RBFOX1: variants seen among roughly 807,000 people sequenced by gnomAD.
RBFOX1 encodes RNA binding fox-1 homolog 1.
Under a neutral mutation model 57.7 loss-of-function variants are expected in RBFOX1, and 8 were observed. The observed-to-expected ratio is 0.14, with a 90% CI of 0.08 to 0.25. The LOEUF (loss-of-function observed/expected upper bound fraction) is 0.25. Among genes scored for constraint, RBFOX1 ranks in the 10% least tolerant of loss-of-function variants. RBFOX1 has a pLI of 1.00. For missense variants in RBFOX1, 611 were observed against 548.5 expected (o/e 1.11, Z -1.14); for synonymous variants, 326 against 222.4 (o/e 1.47, Z -4.15).
chr16:7,202,633 C>G (rs1425234342), intron 4 of RBFOX1, among the ~76,000 whole-genome samples: 2 of 152,202 alleles, frequency 1.3e-5, no homozygotes, highest in Admixed American at 6.5e-5. Flanking sequence ...GCATCAGCAC[C>G]TGAGCTCGAC....
At chr16:7,195,851 C>G (rs987409641) in intron 4 of RBFOX1, among the ~76,000 whole-genome samples, 2 of 152,226 alleles carry the variant, frequency 1.3e-5, no homozygotes, top group Admixed American at 1.3e-4. Context: ...CTGTGCCCAG[C>G]TCGATGCTCA....
intron 3 of RBFOX1, among the ~76,000 whole-genome samples, chr16:6,995,070 T>C (rs994098172): frequency 4.6e-5 from 7 of 152,020 alleles, no homozygotes; most frequent in African/African-American, 1.7e-4. Flanking sequence ...TAAAACTCTC[T>C]GGGGTTAAGT....
intron 2 of RBFOX1, among the ~76,000 whole-genome samples, chr16:5,504,046 C>T (rs1567170681): frequency 1.3e-5 from 2 of 152,162 alleles, no homozygotes; most frequent in Admixed American, 6.5e-5. Context: ...GGGGCCCCTC[C>T]AGCCCCTTCC....
intron 3 of RBFOX1, among the ~76,000 whole-genome samples, chr16:6,829,665 G>C (rs555840321): frequency 6.6e-6 from 1 of 152,016 alleles, no homozygotes; most frequent in Non-Finnish European, 1.5e-5. Flanking sequence ...GCAGGGGCGT[G>C]ATCTTGGCTC....
intron 4 of RBFOX1, among the ~76,000 whole-genome samples, chr16:7,404,520 G>A (rs184287859): frequency 1.3e-5 from 2 of 152,252 alleles, no homozygotes; most frequent in Admixed American, 6.5e-5. Context: ...GACCTCCATA[G>A]ATAGGTGCTA....
chr16:6,197,377 C>T (rs776191720), intron 1 of RBFOX1, among the ~76,000 whole-genome samples: 1 of 152,102 alleles, frequency 6.6e-6, no homozygotes, highest in Non-Finnish European at 1.5e-5. Context: ...AATACCCCTC[C>T]ACCCCATCCG....
chr16:7,484,218 A>T (rs907689353), intron 4 of RBFOX1, among the ~76,000 whole-genome samples: 4 of 152,212 alleles, frequency 2.6e-5, no homozygotes, highest in Middle Eastern at 6.8e-3. Context: ...ATATACCAAG[A>T]TGTGTTTATC....
chr16:5,670,540 T>A (rs2049985837), intron 3 of RBFOX1, among the ~76,000 whole-genome samples: 1 of 152,230 alleles, frequency 6.6e-6, no homozygotes. Flanking sequence ...TGATTTTCAT[T>A]TCCAAGTTTC....
intron 5 of RBFOX1, among the ~76,000 whole-genome samples, chr16:7,561,087 A>G (rs1348190611): frequency 7.9e-5 from 12 of 152,156 alleles, no homozygotes; most frequent in Admixed American, 7.9e-4. Flanking sequence ...TGTTCTTTAT[A>G]CAAGCAGATC....
intron 3 of RBFOX1, among the ~76,000 whole-genome samples, chr16:6,899,019 CTGTG>C (rs1177220549): frequency 4.7e-5 from 7 of 150,252 alleles, no homozygotes; most frequent in Non-Finnish European, 8.9e-5. Flanking sequence ...ATGCGCGTCT[CTGTG>C]TGTGTGTATA....
intron 2 of RBFOX1, among the ~76,000 whole-genome samples, chr16:6,530,620 G>T (rs2096644304): frequency 6.6e-6 from 1 of 152,154 alleles, no homozygotes; most frequent in African/African-American, 2.4e-5. Context: ...GAGATTGAAT[G>T]GATTCACAAT....
rs117008131 is a variant in RBFOX1, at chr16:6,011,970, T to G, written c.351+144635T>G. Among the ~76,000 whole-genome samples, 147 of 152,352 alleles carry G rather than the reference T, an allele frequency of 9.6e-4. 3 individuals are homozygous for G. In the East Asian group the frequency reaches 0.025, roughly 26 times the overall value. ...TAAGGTGGCATCGCCCACACCATCTTGCATTTCTTCACGATGACCCTGTTG... is the reference window on the plus strand; with the variant it reads ...TAAGGTGGCATCGCCCACACCATCTGGCATTTCTTCACGATGACCCTGTTG... On this transcript the variant is annotated intron_variant, in intron 4 of 19. Coordinates refer to the RBFOX1 transcript ENST00000641259.
chr16:7,455,922 C>G (rs1270220131), intron 4 of RBFOX1, among the ~76,000 whole-genome samples: 1 of 152,098 alleles, frequency 6.6e-6, no homozygotes, highest in East Asian at 1.9e-4. Flanking sequence ...TTACAGCACC[C>G]CTATTAGGTA....
intron 3 of RBFOX1, among the ~76,000 whole-genome samples, chr16:5,719,985 C>A (rs1323186972): frequency 1.3e-5 from 2 of 151,942 alleles, no homozygotes; most frequent in Non-Finnish European, 2.9e-5. Context: ...TGAGGAACCA[C>A]CAATCTGTTT....
chr16:5,433,437 G>C (rs938036443), intron 1 of RBFOX1, among the ~76,000 whole-genome samples: 1 of 152,148 alleles, frequency 6.6e-6, no homozygotes, highest in African/African-American at 2.4e-5. Context: ...AAGACTGTTT[G>C]AGTGGCAAGA....
At chr16:6,963,885 A>C (rs1300547703) in intron 3 of RBFOX1, among the ~76,000 whole-genome samples, 1 of 151,932 alleles carries the variant, frequency 6.6e-6, no homozygotes, top group Non-Finnish European at 1.5e-5. Flanking sequence ...TTTTTAGTAG[A>C]GATGGGATTT....
chr16:6,231,962 T>G (rs1054830871), intron 1 of RBFOX1, among the ~76,000 whole-genome samples: 3 of 149,638 alleles, frequency 2.0e-5, no homozygotes, highest in Non-Finnish European at 4.4e-5. Flanking sequence ...ATAAAGCAAA[T>G]TATGCACGGG....
intron 3 of RBFOX1, among the ~76,000 whole-genome samples, chr16:6,942,728 G>A (rs527242705): frequency 3.6e-4 from 55 of 152,260 alleles, no homozygotes; most frequent in Non-Finnish European, 6.9e-4. Flanking sequence ...TGACCATTTA[G>A]AGACTCTCTT....
chr16:6,167,322 T>G (rs778795826), intron 1 of RBFOX1, among the ~76,000 whole-genome samples: 10 of 152,216 alleles, frequency 6.6e-5, no homozygotes, highest in Non-Finnish European at 1.3e-4. Flanking sequence ...CAAGTTGTAC[T>G]TTCTCTGTGG....
Sources: allele counts gnomAD v4.1 joint callset (sites outside exome capture counted in the v4.1 genomes callset), GRCh38; gene constraint gnomAD v4.1.1; transcripts MANE v1.5; gene names NCBI Gene and HGNC (gene_info 2026-07-23, HGNC 2026-07-21).